The following NPHP1 variants were observed in gnomAD, a reference collection of about 807,000 sequenced individuals.
The protein encoded by NPHP1 is nephrocystin-1.
Under a neutral mutation model 90.4 loss-of-function variants are expected in NPHP1, and 70 were observed. That is an observed-to-expected ratio of 0.77 (90% CI 0.64 to 0.95). The LOEUF (loss-of-function observed/expected upper bound fraction) is 0.95, where lower values mean the gene tolerates loss of function less well. NPHP1 is among the 40% of genes least tolerant of loss of function. The probability of loss-of-function intolerance (pLI) is 0.00; values close to 1 mark genes in which losing one functional copy is unlikely to be tolerated. For synonymous variants in NPHP1, 256 were observed against 271.7 expected (o/e 0.94, Z 0.57); for missense variants, 764 against 795.9 (o/e 0.96, Z 0.48).
At chr2:110,193,149 C>A (rs900832212) in intron 2 of NPHP1, among the ~76,000 whole-genome samples, 1 of 152,110 alleles carries the variant, frequency 6.6e-6, no homozygotes, top group Non-Finnish European at 1.5e-5. Flanking sequence ...CAAATTCACA[C>A]ATGACAATAT....
At chr2:110,138,896 A>T (rs560354890) in intron 16 of NPHP1, among the ~76,000 whole-genome samples, 5 of 152,150 alleles carry the variant, frequency 3.3e-5, no homozygotes, top group East Asian at 3.9e-4. Context: ...ACTTTCTCAC[A>T]ACATGAAGCA....
At chr2:110,164,250 T>C (rs1682548654) in intron 8 of NPHP1, 3 of 470,866 alleles carry the variant, frequency 6.4e-6, no homozygotes, top group Non-Finnish European at 7.7e-6. Flanking sequence ...TTGCTCAAGC[T>C]GGTCTTGAAT....
At chr2:110,146,405 C>T (rs1403688639) in intron 14 of NPHP1, among the ~76,000 whole-genome samples, 1 of 152,118 alleles carries the variant, frequency 6.6e-6, no homozygotes, top group Non-Finnish European at 1.5e-5. Flanking sequence ...CACAGAGGAC[C>T]TCTGGACTCT....
At chr2:110,139,994 T>C (rs1680510916) in intron 16 of NPHP1, among the ~76,000 whole-genome samples, 1 of 152,022 alleles carries the variant, frequency 6.6e-6, no homozygotes, top group African/African-American at 2.4e-5. Flanking sequence ...TGGTGCCTAG[T>C]CTCTTACCTT....
intron 2 of NPHP1, among the ~76,000 whole-genome samples, chr2:110,196,156 G>A (rs1316737372): frequency 1.3e-5 from 2 of 151,900 alleles, no homozygotes; most frequent in East Asian, 1.9e-4. Flanking sequence ...TGACAAATGG[G>A]ATCTAATTAA....
chr2:110,145,728 A>G (rs1574088414), intron 14 of NPHP1, among the ~76,000 whole-genome samples: 2 of 152,220 alleles, frequency 1.3e-5, no homozygotes, highest in South Asian at 4.1e-4. Context: ...AATAGCTGTG[A>G]CTTCACTTTC....
intron 2 of NPHP1, among the ~76,000 whole-genome samples, chr2:110,180,440 G>A (rs113783262): frequency 9.1e-5 from 11 of 121,378 alleles, no homozygotes; most frequent in East Asian, 2.8e-4. Flanking sequence ...TTTTTATGCC[G>A]TTTGAGTCTT....
chr2:110,183,336 G>A (rs1326764690), intron 2 of NPHP1, among the ~76,000 whole-genome samples: 2 of 152,322 alleles, frequency 1.3e-5, no homozygotes, highest in South Asian at 2.1e-4. Flanking sequence ...ACAATAGCAT[G>A]AGCGATCTGT....
intron 4 of NPHP1, among the ~76,000 whole-genome samples, chr2:110,177,577 A>C (rs1683589210): frequency 6.6e-6 from 1 of 152,126 alleles, no homozygotes; most frequent in Non-Finnish European, 1.5e-5. Flanking sequence ...AAGTAAGTAC[A>C]ATGCAAATAT....
At chr2:110,193,598 C>T (rs1214810908) in intron 2 of NPHP1, among the ~76,000 whole-genome samples, 3 of 152,042 alleles carry the variant, frequency 2.0e-5, no homozygotes, top group African/African-American at 7.3e-5. Context: ...GACAGATCAA[C>T]GGGACAGAAA....
chr2:110,125,990 A>G (rs1679334384), intron 18 of NPHP1: 1 of 403,818 alleles, frequency 2.5e-6, no homozygotes, highest in Admixed American at 3.9e-5. Context: ...CACCTGAATA[A>G]TAAAATAGTA....
At chr2:110,125,574 G>C in intron 19 of NPHP1, 63 bp downstream of exon 19, 1 of 1,435,066 alleles carries the variant, frequency 7.0e-7, no homozygotes, top group Non-Finnish European at 9.8e-7. Flanking sequence ...GACATGATTA[G>C]AATAGGCAAG....
chr2:110,160,360 A>C, intron 10 of NPHP1, 105 bp from the exon 11 acceptor site: 1 of 890,224 alleles, frequency 1.1e-6, no homozygotes, highest in South Asian at 1.6e-5. Flanking sequence ...TTTTTAAAAA[A>C]GAAAAAATTT....
intron 2 of NPHP1, chr2:110,185,020 GAGTGA>G (rs1211087792): frequency 6.6e-6 from 4 of 608,130 alleles, no homozygotes; most frequent in African/African-American, 3.6e-5. Flanking sequence ...ACAGGCTACT[GAGTGA>G]AGTGAAGATC....
intron 4 of NPHP1, among the ~76,000 whole-genome samples, chr2:110,175,663 AGGTACCTGT>A (rs1683455357): frequency 6.6e-6 from 1 of 151,842 alleles, no homozygotes; most frequent in African/African-American, 2.4e-5. Flanking sequence ...CGGTAGTTTG[AGGTACCTGT>A]GTGTGGGTTT....
intron 8 of NPHP1, 184 bp downstream of exon 8, chr2:110,164,504 T>C (rs769228731): frequency 3.6e-6 from 4 of 1,112,170 alleles, no homozygotes. Context: ...AAAAAAAAAC[T>C]AATGAGAAAT....
intron 16 of NPHP1, among the ~76,000 whole-genome samples, chr2:110,133,478 G>A (rs910011452): frequency 1.3e-5 from 2 of 151,960 alleles, no homozygotes; most frequent in Admixed American, 6.6e-5. Flanking sequence ...TCCTACTTTC[G>A]ATAAGGTATA....
intron 2 of NPHP1, among the ~76,000 whole-genome samples, chr2:110,183,085 A>G (rs918722193): frequency 6.6e-6 from 1 of 152,222 alleles, no homozygotes; most frequent in African/African-American, 2.4e-5. Context: ...CAATTCAACA[A>G]GAAGAGCTAT....
At chr2:110,178,689 A>G in intron 3 of NPHP1, 142 bp from the exon 4 acceptor site, 1 of 690,416 alleles carries the variant, frequency 1.4e-6, no homozygotes, top group South Asian at 2.2e-5. Context: ...GAAATAAATT[A>G]GATTTAAAAG....
Sources: allele counts gnomAD v4.1 joint callset (sites outside exome capture counted in the v4.1 genomes callset), GRCh38; gene constraint gnomAD v4.1.1; transcripts MANE v1.5; gene names NCBI Gene and HGNC (gene_info 2026-07-23, HGNC 2026-07-21).